The following TMEM200A variants were observed in gnomAD, a reference collection of about 807,000 sequenced individuals.
TMEM200A encodes transmembrane protein 200A, also known as two transmembrane C.
A neutral mutation model predicts 24.3 loss-of-function variants in TMEM200A; 12 were observed. That is an observed-to-expected ratio of 0.49 (90% CI 0.32 to 0.80). The LOEUF is 0.80. Among genes scored for constraint, TMEM200A ranks in the 30% least tolerant of loss-of-function variants. The pLI is 0.04. For missense variants in TMEM200A, 545 were observed against 614.4 expected, an observed-to-expected ratio of 0.89 and a Z score of 1.19; for synonymous variants, 224 against 224.4, an observed-to-expected ratio of 1.00 and a Z score of 0.02.
chr6:130,413,745 C>T (rs1297420835), intron 2 of TMEM200A, among the ~76,000 whole-genome samples: 3 of 152,196 alleles, frequency 2.0e-5, no homozygotes, highest in Admixed American at 6.5e-5. Context: ...CCAGCTTAAA[C>T]ACACTTAACA....
At chr6:130,395,420 A>G (rs1348042814) in intron 2 of TMEM200A, among the ~76,000 whole-genome samples, 2 of 152,216 alleles carry the variant, frequency 1.3e-5, no homozygotes, top group Non-Finnish European at 2.9e-5. Flanking sequence ...TTTCTGAAAC[A>G]TTAATAGCAG....
chr6:130,378,279 G>T (rs1188066135), intron 1 of TMEM200A, among the ~76,000 whole-genome samples: 1 of 151,544 alleles, frequency 6.6e-6, no homozygotes, highest in Non-Finnish European at 1.5e-5. Flanking sequence ...GGGTTTTATT[G>T]GGCCTAACCC....
At chr6:130,395,732 C>T (rs538069979) in intron 2 of TMEM200A, among the ~76,000 whole-genome samples, 1 of 152,332 alleles carries the variant, frequency 6.6e-6, no homozygotes, top group East Asian at 1.9e-4. Flanking sequence ...TCATCCCACA[C>T]ACTTTCTTGA....
chr6:130,392,583 A>AT (rs949447639), intron 2 of TMEM200A, among the ~76,000 whole-genome samples: 3 of 152,250 alleles, frequency 2.0e-5, no homozygotes, highest in African/African-American at 4.8e-5. Flanking sequence ...ACAGAGATAT[A>AT]TTTTTTAGTG....
chr6:130,393,581 C>T (rs1423735625), intron 2 of TMEM200A, among the ~76,000 whole-genome samples: 10 of 152,288 alleles, frequency 6.6e-5, no homozygotes, highest in Non-Finnish European at 1.3e-4. Context: ...GTTGGGATCA[C>T]GTTGCTTCAG....
At chr6:130,423,660 T>A (rs971841748) in intron 2 of TMEM200A, among the ~76,000 whole-genome samples, 1 of 152,116 alleles carries the variant, frequency 6.6e-6, no homozygotes, top group African/African-American at 2.4e-5. Flanking sequence ...TTTGGGGTGA[T>A]AGGGGTCATT....
At chr6:130,433,478 G>A (rs1033727696) in intron 2 of TMEM200A, among the ~76,000 whole-genome samples, 4 of 152,098 alleles carry the variant, frequency 2.6e-5, no homozygotes, top group African/African-American at 4.8e-5. Flanking sequence ...TAAACTTTAT[G>A]TGATTGAACT....
intron 1 of TMEM200A, chr6:130,383,057 C>A: frequency 1.0e-5 from 10 of 985,316 alleles, no homozygotes; most frequent in Non-Finnish European, 1.2e-5. Context: ...GTTTGTGACT[C>A]CTCCTCATGG....
intron 2 of TMEM200A, among the ~76,000 whole-genome samples, chr6:130,405,881 T>C (rs1246808188): frequency 6.6e-6 from 1 of 152,194 alleles, no homozygotes; most frequent in African/African-American, 2.4e-5. Flanking sequence ...GGCAGGTTGC[T>C]TCTTCATGTC....
chr6:130,412,400 A>G (rs936602185), intron 2 of TMEM200A, among the ~76,000 whole-genome samples: 6 of 151,914 alleles, frequency 3.9e-5, no homozygotes, highest in Non-Finnish European at 7.4e-5. Flanking sequence ...TGTGCTCTGC[A>G]TTGCCACTCC....
At position 130,441,232 on chromosome 6, in the gene TMEM200A, C is replaced by A. The variant is rs17059033; in HGVS notation, c.810C>A (p.Ser270Arg). The A allele has an allele frequency of 3.1e-6, 5 of 1,613,934 alleles. No individual in the cohort carries two copies. Among genetic ancestry groups the A allele is most frequent in the South Asian group, 1.1e-5 (1 of 91,070 alleles). Residue 270 changes from serine (S) to arginine (R), a missense_variant, in exon 3 of 3, where the codon AGC becomes AGA. Physicochemically the swap from Ser to Arg is moderately radical, Grantham distance 110. Coordinates refer to ENST00000296978, the MANE Select transcript of TMEM200A (RefSeq NM_001258277.2). ...PPSKTTDDKT[S>R]GSKKCETKSI... Reference sequence around the variant, plus strand: ...CCAAGACAACTGATGATAAGACCAGCGGCTCTAAGAAATGTGAAACCAAGT... The same window carrying A: ...CCAAGACAACTGATGATAAGACCAGAGGCTCTAAGAAATGTGAAACCAAGT...
intron 2 of TMEM200A, among the ~76,000 whole-genome samples, chr6:130,421,510 TTGTGTGTG>T (rs60156754): frequency 2.7e-5 from 4 of 148,928 alleles, no homozygotes; most frequent in Non-Finnish European, 6.0e-5. Context: ...ACAGTTACCT[TTGTGTGTG>T]TGTGTGTGTG....
Position 130,440,659 on chromosome 6 carries a change from C to T in TMEM200A, c.237C>T (p.Ala79=), listed in dbSNP as rs12200105. The change falls in exon 3 of 3, where the codon GCC becomes GCT. Residue 79 remains alanine (A), a synonymous_variant. Coordinates refer to ENST00000296978, the MANE Select transcript of TMEM200A (RefSeq NM_001258277.2). ...VLISIIGIAM[A]VLGYWPQKEH... Reference sequence around the variant, plus strand: ...TCTCCATTATAGGAATTGCTATGGCCGTTCTTGGATATTGGCCCCAAAAAG... The same window carrying T: ...TCTCCATTATAGGAATTGCTATGGCTGTTCTTGGATATTGGCCCCAAAAAG... 285,708 of 1,613,378 alleles carry T rather than the reference C, an allele frequency of 0.18. 29,877 individuals are homozygous for T. Among genetic ancestry groups the T allele is most frequent in the African/African-American group, 0.48 (35,800 of 74,894 alleles).
rs146211569 is a variant in TMEM200A, at chr6:130,441,626, C to G, written c.1204C>G (p.Arg402Gly). 3.7e-6 allele frequency: 6 copies of G among 1,613,900 alleles called. No individual in the cohort carries two copies. The East Asian group carries it at 8.9e-5, about 24-fold the overall frequency. The part of the protein sequence containing the change: ...SSHSKSLDLD[R>G]GPSTLTVQAE... ...ACACTCAAAGTCCTTGGACTTAGAC[C>G]GGGGTCCCTCCACTCTAACTGTTCA... The change falls in exon 3 of 3, where the codon CGG (arginine) becomes GGG (glycine). Residue 402 changes from arginine to glycine, a missense_variant. Arg to Gly is a moderately radical substitution (Grantham distance 125). Transcript: ENST00000296978.
At chr6:130,385,271 G>A (rs1055221943) in intron 2 of TMEM200A, 35 bp downstream of exon 2, 79 of 152,162 alleles carry the variant, frequency 5.2e-4, no homozygotes, top group African/African-American at 1.8e-3. Flanking sequence ...CAGGGACCTG[G>A]GAGACTGATC....
chr6:130,406,851 T>C (rs1230896941), intron 2 of TMEM200A, among the ~76,000 whole-genome samples: 1 of 152,200 alleles, frequency 6.6e-6, no homozygotes, highest in African/African-American at 2.4e-5. Flanking sequence ...CTTTATGTCT[T>C]AGCCTCCCAT....
At chr6:130,407,422 G>A (rs914290776) in intron 2 of TMEM200A, among the ~76,000 whole-genome samples, 7 of 152,122 alleles carry the variant, frequency 4.6e-5, no homozygotes, top group African/African-American at 1.7e-4. Context: ...GTTAATGGTC[G>A]GGAGGTATAT....
At chr6:130,433,924 C>T (rs755792893) in intron 2 of TMEM200A, among the ~76,000 whole-genome samples, 4 of 152,158 alleles carry the variant, frequency 2.6e-5, no homozygotes, top group African/African-American at 7.2e-5. Flanking sequence ...CATTTATGTG[C>T]CAAGCCTTCG....
intron 1 of TMEM200A, among the ~76,000 whole-genome samples, chr6:130,378,541 G>A (rs189900369): frequency 2.6e-5 from 4 of 151,702 alleles, no homozygotes; most frequent in Admixed American, 2.0e-4. Context: ...GGCTAACATC[G>A]TGAAACCCCA....
Sources: allele counts gnomAD v4.1 joint callset (sites outside exome capture counted in the v4.1 genomes callset), GRCh38; gene constraint gnomAD v4.1.1; transcripts MANE v1.5; gene names NCBI Gene and HGNC (gene_info 2026-07-23, HGNC 2026-07-21).